The following USP25 variants were observed in gnomAD, a reference collection of about 807,000 sequenced individuals.
The protein encoded by USP25 is ubiquitin specific peptidase 25.
A neutral mutation model predicts 158.5 loss-of-function variants in USP25; 85 were observed. That is an observed-to-expected ratio of 0.54 (90% CI 0.45 to 0.64). USP25 has a LOEUF of 0.64. USP25 is among the 30% of genes least tolerant of loss of function. The pLI, the probability that USP25 is intolerant of heterozygous loss-of-function variation, is 0.00. For missense variants in USP25, 1,242 were observed against 1,327.3 expected (o/e 0.94, Z 1.00); for synonymous variants, 464 against 460.4 (o/e 1.01, Z -0.10).
At chr21:15,871,858 G>A (rs1023469183) in intron 23 of USP25, among the ~76,000 whole-genome samples, 1 of 151,932 alleles carries the variant, frequency 6.6e-6, no homozygotes, top group Middle Eastern at 3.4e-3. Flanking sequence ...ATATTGGTGT[G>A]TGTGCGACTG....
intron 1 of USP25, among the ~76,000 whole-genome samples, chr21:15,730,759 T>G (rs1601214377): frequency 6.6e-6 from 1 of 152,198 alleles, no homozygotes; most frequent in Admixed American, 6.5e-5. Flanking sequence ...TTCTCTCCCC[T>G]TAAATGAGAA....
intron 8 of USP25, 117 bp downstream of exon 8, chr21:15,809,002 GTAT>G (rs137964568): frequency 0.082 from 58,011 of 705,422 alleles, 2,768 homozygotes; most frequent in East Asian, 0.098. Context: ...AGTATTTTCT[GTAT>G]TATTGACAAG....
Position 15,766,207 on chromosome 21 carries a change from A to G in USP25, c.268+66A>G. ...ACTGAAAAACTTTTCTTGGTGTAAT[A>G]TATTAATGTTGCTTAAGGAGAGGTA... On this transcript the variant is annotated intron_variant, in intron 3 of 25. Coordinates refer to ENST00000400183, the MANE Select transcript of USP25 (RefSeq NM_001283041.3). This position sits in a 1 kb window ranked among gnomAD's most constrained non-coding sequence, Gnocchi z 4.0. 2 of 1,461,468 alleles carry G rather than the reference A, an allele frequency of 1.4e-6. No individual in the cohort carries two copies. Among genetic ancestry groups the G allele is most frequent in the Non-Finnish European group, 1.8e-6 (2 of 1,106,060 alleles). 90.5% of individuals were successfully genotyped at this position (1,461,468 alleles called of 1,614,324 possible). A position where few individuals can be genotyped will look rare whatever the true frequency, so the allele number is the denominator to read the frequency against.
rs150823398 is a variant in USP25 at position 15,762,465 on chromosome 21, A to G, written c.46-426A>G. On this transcript the variant is annotated intron_variant, in intron 1 of 25. Transcript: ENST00000400183. The stretch of plus-strand genomic sequence containing the variant: ...TGAAATGATCTTCTTTTTAAAGTAG[A>G]TCTGAAGATCTCCGTGGTATAATTA... Among the ~76,000 whole-genome samples the G allele has an allele frequency of 6.2e-4, 94 of 152,310 alleles. No individual in the cohort carries two copies. The East Asian group carries it at 0.016, about 26-fold the overall frequency.
chr21:15,792,720 C>T (rs779885827), intron 5 of USP25, among the ~76,000 whole-genome samples: 11 of 151,344 alleles, frequency 7.3e-5, no homozygotes, highest in Admixed American at 2.0e-4. Flanking sequence ...AAATTTTCAC[C>T]GTTTTCTCCC....
At chr21:15,827,277 T>G in intron 14 of USP25, 74 bp downstream of exon 14, 1 of 1,213,180 alleles carries the variant, frequency 8.2e-7, no homozygotes. Flanking sequence ...AGAAGGGAAA[T>G]CACGTCTGGA....
chr21:15,830,163 A>G (rs2037726397), intron 14 of USP25, among the ~76,000 whole-genome samples: 1 of 152,162 alleles, frequency 6.6e-6, no homozygotes, highest in African/African-American at 2.4e-5. Flanking sequence ...TGTACAAGAT[A>G]TGTGGTGAAC....
At chr21:15,801,271 T>A (rs2036120915) in intron 6 of USP25, among the ~76,000 whole-genome samples, 1 of 151,560 alleles carries the variant, frequency 6.6e-6, no homozygotes, top group African/African-American at 2.4e-5. Context: ...TTTGTATTCT[T>A]ATTTAAAAAA....
chr21:15,810,658 T>G (rs1358670977), intron 8 of USP25, among the ~76,000 whole-genome samples: 1 of 152,176 alleles, frequency 6.6e-6, no homozygotes, highest in Non-Finnish European at 1.5e-5. Flanking sequence ...GTTCCCTCCC[T>G]GGTGAGGGTT....
chr21:15,806,994 G>C (rs2036424106), intron 7 of USP25, among the ~76,000 whole-genome samples: 1 of 151,968 alleles, frequency 6.6e-6, no homozygotes, highest in Non-Finnish European at 1.5e-5. Flanking sequence ...TATGACAATG[G>C]CTCACTGCAG....
chr21:15,853,150 G>T (rs1456182195), intron 20 of USP25, among the ~76,000 whole-genome samples: 1 of 152,022 alleles, frequency 6.6e-6, no homozygotes, highest in Non-Finnish European at 1.5e-5. Flanking sequence ...CATATACAGA[G>T]ACTTAAAATT....
chr21:15,808,731 C>A, intron 7 of USP25, 78 bp from the exon 8 acceptor site: 1 of 999,972 alleles, frequency 1.0e-6, no homozygotes, highest in South Asian at 1.8e-5. Flanking sequence ...CAACAACTGG[C>A]TCTAGGTTTG....
rs201263214 is a variant in USP25, at chr21:15,730,754, T to C, written c.45+316T>C. Reference sequence around the variant, plus strand: ...GGCATCTTAATGAAACTTTATTCTCTCCCCTTAAATGAGAAAGAATAGCTA... The same window carrying C: ...GGCATCTTAATGAAACTTTATTCTCCCCCCTTAAATGAGAAAGAATAGCTA... On this transcript the variant is annotated intron_variant, in intron 1 of 25. Transcript: ENST00000400183. Among the ~76,000 whole-genome samples, 823 of 152,262 alleles carry C rather than the reference T, an allele frequency of 5.4e-3. 26 individuals carry two copies. The East Asian group carries it at 0.1, about 19-fold the overall frequency.
At chr21:15,763,866 C>G (rs974271901) in intron 2 of USP25, among the ~76,000 whole-genome samples, 1 of 152,060 alleles carries the variant, frequency 6.6e-6, no homozygotes, top group Non-Finnish European at 1.5e-5. Context: ...ATAAATAACT[C>G]TATGAGATAA....
intron 20 of USP25, among the ~76,000 whole-genome samples, chr21:15,861,917 A>G (rs993796079): frequency 1.8e-4 from 27 of 152,122 alleles, no homozygotes; most frequent in African/African-American, 6.5e-4. Context: ...TGACTTTGGC[A>G]ATTTGCTTGT....
chr21:15,817,210 T>G (rs894505463), intron 9 of USP25, among the ~76,000 whole-genome samples: 2 of 152,078 alleles, frequency 1.3e-5, no homozygotes, highest in East Asian at 3.8e-4. Flanking sequence ...CATCATCTAG[T>G]TGTTCATGCC....
intron 3 of USP25, among the ~76,000 whole-genome samples, chr21:15,768,782 T>G (rs1054637992): frequency 4.6e-5 from 7 of 152,140 alleles, no homozygotes; most frequent in African/African-American, 1.7e-4. Flanking sequence ...ACAGTTTCAC[T>G]TAATTCTTTC....
At chr21:15,730,605 G>C (rs1048586231) in intron 1 of USP25, among the ~76,000 whole-genome samples, 167 bp downstream of exon 1, 1 of 152,206 alleles carries the variant, frequency 6.6e-6, no homozygotes, top group Non-Finnish European at 1.5e-5. Context: ...CCAGAGCCCA[G>C]CTGCGTGTGG....
intron 20 of USP25, among the ~76,000 whole-genome samples, chr21:15,856,656 A>G (rs909582922): frequency 6.6e-6 from 1 of 152,072 alleles, no homozygotes; most frequent in African/African-American, 2.4e-5. Context: ...TATTTTTAGT[A>G]GAGACAGGGT....
Sources: gnomAD v4.1 joint callset for allele counts (sites outside exome capture counted in the v4.1 genomes callset) on GRCh38, gnomAD v4.1.1 for gene constraint, Gnocchi (gnomAD v3.1) non-coding constraint, MANE v1.5 for transcripts, NCBI Gene and HGNC (gene_info 2026-07-23, HGNC 2026-07-21) for gene names.